Variants in PPP1R9A observed in about 807,000 individuals in gnomAD.
PPP1R9A encodes protein phosphatase 1 regulatory subunit 9A.
PPP1R9A carries 59 observed loss-of-function variants against 141.9 expected under a neutral mutation model. That is an observed-to-expected ratio of 0.42 (90% CI 0.34 to 0.52). The LOEUF (loss-of-function observed/expected upper bound fraction) is 0.52. PPP1R9A is among the 20% of genes least tolerant of loss of function. PPP1R9A has a pLI of 0.10. For synonymous variants in PPP1R9A, 500 were observed against 569.7 expected, an observed-to-expected ratio of 0.88 and a Z score of 1.74; for missense variants, 1,444 against 1,611.9, an observed-to-expected ratio of 0.90 and a Z score of 1.78.
intron 12 of PPP1R9A, among the ~76,000 whole-genome samples, chr7:95,258,041 A>G (rs2153023629): frequency 6.6e-6 from 1 of 152,246 alleles, no homozygotes; most frequent in South Asian, 2.1e-4. Flanking sequence ...CAGTAATGGG[A>G]TGGCTGGGTC....
intron 2 of PPP1R9A, among the ~76,000 whole-genome samples, chr7:94,979,186 T>G (rs2151304726): frequency 6.6e-6 from 1 of 152,320 alleles, no homozygotes; most frequent in Non-Finnish European, 1.5e-5. Flanking sequence ...AGACAGTTGG[T>G]TTACTATTAG....
At chr7:95,074,135 C>A (rs534979940) in intron 2 of PPP1R9A, among the ~76,000 whole-genome samples, 1 of 152,222 alleles carries the variant, frequency 6.6e-6, no homozygotes, top group South Asian at 2.1e-4. Context: ...ATACAAATGT[C>A]TATCTCATAG....
At chr7:95,200,690 T>G (rs1383123886) in intron 6 of PPP1R9A, among the ~76,000 whole-genome samples, 1 of 152,198 alleles carries the variant, frequency 6.6e-6, no homozygotes, top group Non-Finnish European at 1.5e-5. Flanking sequence ...TTTATAGATT[T>G]TTTTTGTTTG....
intron 4 of PPP1R9A, chr7:95,156,235 G>A (rs552184331): frequency 1.3e-5 from 2 of 152,460 alleles, no homozygotes; most frequent in South Asian, 2.1e-4. Flanking sequence ...TCTCTGTGAG[G>A]CTGTGGCCAG....
At chr7:95,205,939 A>G (rs78462671) in intron 7 of PPP1R9A, among the ~76,000 whole-genome samples, 2,877 of 152,108 alleles carry the variant, frequency 0.019, 55 homozygotes, top group East Asian at 0.12. Context: ...ATCACACTAA[A>G]CCACAATCTT....
intron 2 of PPP1R9A, among the ~76,000 whole-genome samples, chr7:94,928,063 G>GT (rs1209988008): frequency 1.3e-5 from 2 of 152,184 alleles, no homozygotes; most frequent in Non-Finnish European, 2.9e-5. Flanking sequence ...AAGCAGGGGA[G>GT]TCTACCTTTA....
intron 14 of PPP1R9A, among the ~76,000 whole-genome samples, chr7:95,273,458 G>A (rs1203778341): frequency 6.6e-6 from 1 of 152,136 alleles, no homozygotes; most frequent in Non-Finnish European, 1.5e-5. Context: ...TCTGCGCTGG[G>A]CTTTGGAGAT....
intron 12 of PPP1R9A, among the ~76,000 whole-genome samples, chr7:95,254,610 T>C (rs964912606): frequency 2.0e-5 from 3 of 152,148 alleles, no homozygotes; most frequent in Non-Finnish European, 4.4e-5. Flanking sequence ...GGATGAGTGG[T>C]TTAGCATGTT....
rs147956004 is a variant in PPP1R9A, at chr7:95,129,707, C to T, written c.1649+8875C>T. The stretch of plus-strand genomic sequence containing the variant: ...ACCAAAATGCTGATAGTGATATGAA[C>T]AATAAGGTCCAGGCTGAGGTGTCCT... On this transcript the variant is annotated intron_variant, in intron 4 of 19. Coordinates refer to ENST00000433360, the MANE Select transcript of PPP1R9A (RefSeq NM_001166160.2). Among the ~76,000 whole-genome samples the T allele has an allele frequency of 8.6e-3, 1,302 of 152,212 alleles. 21 individuals are homozygous for T. Among genetic ancestry groups the T allele is most frequent in the African/African-American group, 0.029 (1,218 of 41,518 alleles).
At chr7:95,231,649 T>C (rs534096968) in intron 8 of PPP1R9A, among the ~76,000 whole-genome samples, 1 of 152,218 alleles carries the variant, frequency 6.6e-6, no homozygotes, top group African/African-American at 2.4e-5. Flanking sequence ...TGAATGATTG[T>C]TGGGTCAACA....
chr7:95,247,852 A>G (rs1367946668), intron 9 of PPP1R9A, among the ~76,000 whole-genome samples: 2 of 152,318 alleles, frequency 1.3e-5, no homozygotes, highest in Middle Eastern at 3.4e-3. Context: ...AAGCAAAGCT[A>G]CTATATCTCC....
At chr7:94,933,030 C>G (rs1331952915) in intron 2 of PPP1R9A, among the ~76,000 whole-genome samples, 4 of 142,436 alleles carry the variant, frequency 2.8e-5, no homozygotes, top group African/African-American at 9.8e-5. Context: ...ATACACACAT[C>G]TCTGCATATA....
At chr7:95,160,535 A>G (rs1037505498) in intron 4 of PPP1R9A, among the ~76,000 whole-genome samples, 2 of 149,206 alleles carry the variant, frequency 1.3e-5, no homozygotes, top group Non-Finnish European at 3.0e-5. Flanking sequence ...TTCAACTTGT[A>G]TTTTTGATTC....
At chr7:95,022,655 C>T (rs1806159617) in intron 2 of PPP1R9A, among the ~76,000 whole-genome samples, 2 of 152,050 alleles carry the variant, frequency 1.3e-5, no homozygotes, top group South Asian at 2.1e-4. Flanking sequence ...TATGTGCCAT[C>T]AATATCTAGT....
chr7:94,924,675 C>T (rs973941009), intron 2 of PPP1R9A, among the ~76,000 whole-genome samples: 10 of 152,190 alleles, frequency 6.6e-5, no homozygotes, highest in African/African-American at 1.9e-4. Context: ...ATTACAGGCA[C>T]GCACCACCAT....
At position 95,290,021 on chromosome 7, in the gene PPP1R9A, A is replaced by G. The variant is rs553260108; in HGVS notation, c.3913-70A>G. The stretch of plus-strand genomic sequence containing the variant: ...TGAATTAGTTTACGAACTTGGATAT[A>G]TGGTATGTTAACACCATCAGAGGGC... On this transcript the variant is annotated intron_variant, in intron 19 of 19. Coordinates refer to ENST00000433360, the MANE Select transcript of PPP1R9A (RefSeq NM_001166160.2). The G allele has an allele frequency of 8.9e-6, 14 of 1,573,598 alleles. No homozygotes were observed. In the South Asian group the frequency reaches 1.3e-4, roughly 15 times the overall value.
intron 8 of PPP1R9A, among the ~76,000 whole-genome samples, chr7:95,246,614 A>G (rs1236089116): frequency 6.6e-6 from 1 of 152,202 alleles, no homozygotes; most frequent in Non-Finnish European, 1.5e-5. Flanking sequence ...CATCGTAACT[A>G]CTTTTCTGAA....
intron 2 of PPP1R9A, among the ~76,000 whole-genome samples, chr7:94,967,796 C>A (rs997540322): frequency 2.0e-5 from 3 of 152,076 alleles, no homozygotes; most frequent in African/African-American, 7.2e-5. Context: ...GATTTCCATT[C>A]TTTTACATTT....
intron 2 of PPP1R9A, among the ~76,000 whole-genome samples, chr7:94,999,173 T>C (rs1474076412): frequency 1.3e-5 from 2 of 152,220 alleles, no homozygotes; most frequent in Admixed American, 6.5e-5. Flanking sequence ...AGATCATGGA[T>C]TGTGACTTTG....
Sources: allele counts gnomAD v4.1 joint callset (sites outside exome capture counted in the v4.1 genomes callset), GRCh38; gene constraint gnomAD v4.1.1; transcripts MANE v1.5; gene names NCBI Gene and HGNC (gene_info 2026-07-23, HGNC 2026-07-21).